The following ANKRD26 variants were observed in gnomAD, a reference collection of about 807,000 sequenced individuals.
The protein encoded by ANKRD26 is ankyrin repeat domain-containing protein 26.
A neutral mutation model predicts 208.7 loss-of-function variants in ANKRD26; 141 were observed. The ratio of observed to expected loss-of-function variants is 0.68; its 90% confidence interval spans 0.59 to 0.78. The LOEUF is 0.78. ANKRD26 is among the 30% of genes least tolerant of loss of function. ANKRD26 has a pLI of 0.00. For missense variants in ANKRD26, 1,889 were observed against 1,938.7 expected, an observed-to-expected ratio of 0.97 and a Z score of 0.48; for synonymous variants, 636 against 660.4, an observed-to-expected ratio of 0.96 and a Z score of 0.57.
At chr10:26,951,676 A>G in the ANKRD26 span, among the ~76,000 whole-genome samples, 88 of 152,284 alleles carry the variant, frequency 5.8e-4, no homozygotes, top group Non-Finnish European at 4.0e-4. Flanking sequence ...TTCCATTCAT[A>G]TATTTGTTTA....
the ANKRD26 span, among the ~76,000 whole-genome samples, chr10:26,949,315 A>G: frequency 3.9e-5 from 6 of 152,150 alleles, no homozygotes; most frequent in African/African-American, 1.4e-4. Context: ...ACATTGTTTC[A>G]TTTCCTCTAC....
intron 5 of ANKRD26, among the ~76,000 whole-genome samples, chr10:26,992,889 T>A (rs555332784): frequency 2.0e-5 from 3 of 152,138 alleles, no homozygotes; most frequent in Non-Finnish European, 4.4e-5. Context: ...AAATACAACA[T>A]TGAGTTTTTA....
intron 32 of ANKRD26, among the ~76,000 whole-genome samples, 178 bp downstream of exon 32, chr10:27,012,704 C>T (rs548680982): frequency 2.6e-5 from 4 of 152,148 alleles, no homozygotes; most frequent in Non-Finnish European, 1.5e-5. Context: ...TCCCAGCTAT[C>T]TGAGAGGCTA....
chr10:27,081,983 A>C (rs941852269), intron 6 of ANKRD26, among the ~76,000 whole-genome samples: 7 of 146,240 alleles, frequency 4.8e-5, no homozygotes, highest in Admixed American at 7.1e-5. Flanking sequence ...TGATATGCCC[A>C]CCTTGGCCTC....
intron 32 of ANKRD26, 29 bp downstream of exon 32, chr10:27,012,853 C>T: frequency 6.3e-7 from 1 of 1,590,174 alleles, no homozygotes; most frequent in South Asian, 1.1e-5. Context: ...AAATTTGAAA[C>T]CCAAAGGAAA....
At chr10:26,959,007 G>C in the ANKRD26 span, among the ~76,000 whole-genome samples, 1 of 152,012 alleles carries the variant, frequency 6.6e-6, no homozygotes, top group Non-Finnish European at 1.5e-5. Context: ...GGCATGAGAT[G>C]GTATCTCTTT....
intron 33 of ANKRD26, among the ~76,000 whole-genome samples, chr10:27,006,125 C>G (rs1037747243): frequency 6.6e-6 from 1 of 152,156 alleles, no homozygotes; most frequent in Admixed American, 6.5e-5. Flanking sequence ...CTGGAACACA[C>G]AGAAGGGACA....
At chr10:27,090,967 A>G (rs1226489708) in intron 4 of ANKRD26, among the ~76,000 whole-genome samples, 1 of 152,130 alleles carries the variant, frequency 6.6e-6, no homozygotes, top group Non-Finnish European at 1.5e-5. Flanking sequence ...GTGGTGGCAC[A>G]TGCCTGTAGT....
chr10:27,035,614 G>C lies in ANKRD26; in HGVS notation c.2836C>G (p.Leu946Val), dbSNP rs776079982. The change falls in exon 24 of 34, where the codon CTT (leucine) becomes GTT (valine). Residue 946 changes from leucine (L) to valine (V), a missense_variant. Leu to Val is a conservative substitution (Grantham distance 32, BLOSUM62 1). Coordinates refer to ENST00000376087, the MANE Select transcript of ANKRD26 (RefSeq NM_014915.3). ...TCATTCTTTTCTTTTACAATTTTAA[G>C]GTCCTCAAAACATTTCTTTTCTTTT... is the stretch of plus-strand genomic sequence containing the variant. ...QEKEKKCFED[L>V]KIVKEKNEDL... 6.2e-7 allele frequency: 1 copy of C among 1,602,068 alleles called. No individual in the cohort carries two copies. Among genetic ancestry groups the C allele is most frequent in the Non-Finnish European group, 8.5e-7 (1 of 1,176,184 alleles).
Position 27,061,534 on chromosome 10 carries a change from T to C in ANKRD26, c.1364-292A>G, listed in dbSNP as rs576188509. ...TGCTTCTATATTCAAATTAAACTCA[T>C]TTGATTAATATCAATGCAACATCTA... On this transcript the variant is annotated intron_variant, in intron 12 of 33. Transcript: ENST00000376087. 3.0e-4 allele frequency among the ~76,000 whole-genome samples: 45 copies of C among 151,552 alleles called. 1 individual carries two copies. Among genetic ancestry groups the C allele is most frequent in the Admixed American group, 9.9e-4 (15 of 15,110 alleles).
chr10:27,081,191 C>T (rs34015752), intron 6 of ANKRD26, among the ~76,000 whole-genome samples: 12,025 of 152,140 alleles, frequency 0.079, 686 homozygotes, highest in East Asian at 0.28. Flanking sequence ...TCCCCTGAAC[C>T]CCCTATTTTA....
intron 32 of ANKRD26, among the ~76,000 whole-genome samples, chr10:27,007,803 T>A (rs1034797090): frequency 1.3e-5 from 2 of 152,150 alleles, no homozygotes; most frequent in Non-Finnish European, 2.9e-5. Flanking sequence ...AAAATTCTAC[T>A]GGCAAAAAAG....
chr10:27,052,019 A>C, intron 16 of ANKRD26: 1 of 985,312 alleles, frequency 1.0e-6, no homozygotes. Context: ...CCTCTCTATC[A>C]CACTCCTTAT....
rs1316729815 is a variant in ANKRD26 at position 27,051,192 on chromosome 10, C to A, written c.1635+2128G>T. 3 of 1,289,888 alleles carry A rather than the reference C, an allele frequency of 2.3e-6. No individual in the cohort carries two copies. In the South Asian group the frequency reaches 3.7e-5, roughly 16 times the overall value. 79.9% of individuals were successfully genotyped at this position (1,289,888 alleles called of 1,614,324 possible). On this transcript the variant is annotated intron_variant, in intron 16 of 33. Transcript: ENST00000376087. ...AGATACTTTTGATGTTCTGTCACCA[C>A]GTGGTGGAGAAGACCTCACATTTTC...
intron 4 of ANKRD26, among the ~76,000 whole-genome samples, chr10:27,090,235 C>T (rs554221313): frequency 1.3e-5 from 2 of 152,164 alleles, no homozygotes; most frequent in South Asian, 4.1e-4. Flanking sequence ...CACTTGAAGT[C>T]AGGAGTTCGA....
At position 27,069,194 on chromosome 10, in the gene ANKRD26, CAAAAAAAA is replaced by C. The variant is rs58833937; in HGVS notation, c.1078-1916_1078-1909del. Among the ~76,000 whole-genome samples the C allele has an allele frequency of 3.1e-4, 27 of 88,088 alleles. 1 individual carries two copies. The highest frequency in any genetic ancestry group is 3.0e-3 in the East Asian group (9 of 3,038). The allele number at this position is 88,088 out of a possible 152,430, so 57.8% of individuals were successfully genotyped here. ...TGGGCAACAGAGTGAGACGTCGTCT[CAAAAAAAA>C]AAAAAAAAAAAAAAAAAAAAGGATA... On this transcript the variant is annotated intron_variant, in intron 9 of 33. Coordinates refer to ENST00000376087, the MANE Select transcript of ANKRD26 (RefSeq NM_014915.3).
chr10:27,000,429 A>G (rs12264338), downstream of ANKRD26, among the ~76,000 whole-genome samples: 14,476 of 152,242 alleles, frequency 0.095, 2,222 homozygotes, highest in African/African-American at 0.33. Context: ...GTAGGAAAGA[A>G]AAACAAAAAC....
chr10:27,067,228 C>G lies in ANKRD26; in HGVS notation c.1136G>C (p.Ser379Thr), dbSNP rs2055286405. The G allele has an allele frequency of 6.2e-7, 1 of 1,613,492 alleles. No homozygotes were observed. Among genetic ancestry groups the G allele is most frequent in the South Asian group, 1.1e-5 (1 of 91,078 alleles). Residue 379 changes from serine (S) to threonine (T), a missense_variant, in exon 10 of 34, where the codon AGT becomes ACT. Ser to Thr is a moderately conservative substitution (Grantham distance 58, BLOSUM62 1). Coordinates refer to ENST00000376087, the MANE Select transcript of ANKRD26 (RefSeq NM_014915.3). ...KKENGIDIIE[S>T]APLEQTNNDN... ...ATTATTTGTTTGCTCTAGTGGAGCACTTTCAATAATATCAATACCATTTTC... is the reference window on the plus strand; with the variant it reads ...ATTATTTGTTTGCTCTAGTGGAGCAGTTTCAATAATATCAATACCATTTTC...
At chr10:27,076,282 G>GTTTT (rs2055696092) in intron 9 of ANKRD26, among the ~76,000 whole-genome samples, 1 of 136,230 alleles carries the variant, frequency 7.3e-6, no homozygotes. Context: ...TTTTTTTTTA[G>GTTTT]ATGGAATTTC....
Sources: allele counts gnomAD v4.1 joint callset (sites outside exome capture counted in the v4.1 genomes callset), GRCh38; gene constraint gnomAD v4.1.1; transcripts MANE v1.5; gene names NCBI Gene and HGNC (gene_info 2026-07-23, HGNC 2026-07-21).